VAMP8: variants seen among roughly 807,000 people sequenced by gnomAD.
The protein encoded by VAMP8 is vesicle associated membrane protein 8.
Under a neutral mutation model 11.4 loss-of-function variants are expected in VAMP8, and 9 were observed. The ratio of observed to expected loss-of-function variants is 0.79; its 90% CI spans 0.48 to 1.38. The LOEUF (loss-of-function observed/expected upper bound fraction) is 1.38. Ranked by LOEUF, VAMP8 falls within the 40% of genes most tolerant of loss-of-function variation. The pLI is 0.00. For missense variants in VAMP8, 108 were observed against 127.8 expected, an observed-to-expected ratio of 0.85 and a Z score of 0.75; for synonymous variants, 42 against 44.7, an observed-to-expected ratio of 0.94 and a Z score of 0.24.
Position 85,581,884 on chromosome 2 carries a change from G to C in VAMP8, c.*168G>C, listed in dbSNP as rs748414983. On this transcript the variant is annotated 3_prime_UTR_variant, in exon 3 of 3. Transcript: ENST00000263864. ...TGTTGTATGCCCCAGAAGGTACCTT[G>C]GTCCCCCGGAAGGAGAGAAAAAAGA... 1 of 902,202 alleles carries C rather than the reference G, an allele frequency of 1.1e-6. No homozygotes were observed. The highest frequency in any genetic ancestry group is 1.7e-6 in the Non-Finnish European group (1 of 596,016). 55.9% of individuals were successfully genotyped at this position (902,202 alleles called of 1,614,324 possible).
Position 85,581,432 on chromosome 2 carries a change from A to AT in VAMP8, c.163-143dup. The AT allele has an allele frequency of 5.9e-6, 6 of 1,020,636 alleles. 1 individual carries two copies. In the South Asian group the frequency reaches 1.0e-4, roughly 17 times the overall value. The allele number at this position is 1,020,636 out of a possible 1,614,324, so 63.2% of individuals were successfully genotyped here. On this transcript the variant is annotated intron_variant, in intron 2 of 2. Transcript: ENST00000263864. ...GAGGTGGAGGCAGCAGTGAGCCAAGATCGAGCCACTGCCTGAGTGACAGAG... is the reference window on the plus strand; with the variant it reads ...GAGGTGGAGGCAGCAGTGAGCCAAGATTCGAGCCACTGCCTGAGTGACAGAG...
At position 85,579,045 on chromosome 2, in the gene VAMP8, C is replaced by T. The variant is rs749565473; in HGVS notation, c.40C>T (p.Arg14Trp). The change falls in exon 2 of 3, where the codon CGG becomes TGG. Residue 14 changes from arginine to tryptophan, a missense_variant. Physicochemically the swap from Arg to Trp is moderately radical, Grantham distance 101. Coordinates refer to ENST00000263864, the MANE Select transcript of VAMP8 (RefSeq NM_003761.5). The part of the protein sequence containing the change: ...ASEGGGNDRV[R>W]NLQSEVEGVK... ...TGAAGGTGGAGGAAATGATCGTGTGCGGAACCTGCAAAGTGAGGTGGAGGG... is the reference window on the plus strand; with the variant it reads ...TGAAGGTGGAGGAAATGATCGTGTGTGGAACCTGCAAAGTGAGGTGGAGGG... 7.5e-6 allele frequency: 12 copies of T among 1,607,290 alleles called. No individual in the cohort carries two copies. Among genetic ancestry groups the T allele is most frequent in the Middle Eastern group, 3.3e-4 (2 of 6,078 alleles).
chr2:85,578,613 G>T (rs1030730439), intron 1 of VAMP8, among the ~76,000 whole-genome samples: 1 of 152,178 alleles, frequency 6.6e-6, no homozygotes, highest in Admixed American at 6.5e-5. Context: ...AATCAGGAAA[G>T]GGGGGTGGCT....
chr2:85,577,704 T>C, intron 1 of VAMP8, 55 bp downstream of exon 1: 1 of 1,519,580 alleles, frequency 6.6e-7, no homozygotes, highest in Non-Finnish European at 8.9e-7. Context: ...CAGAGGGGGC[T>C]TGGGACTGGG....
Position 85,581,952 on chromosome 2 carries a change from T to C in VAMP8, c.*236T>C. On this transcript the variant is annotated 3_prime_UTR_variant, in exon 3 of 3. Coordinates refer to ENST00000263864, the MANE Select transcript of VAMP8 (RefSeq NM_003761.5). ...CATTTCTTGGGTCCTTAGAGTGGGC[T>C]GGAGAGACCTAGAGGGCCCAGCATG... 1.8e-6 allele frequency: 1 copy of C among 554,480 alleles called. No individual in the cohort carries two copies. Among genetic ancestry groups the C allele is most frequent in the Non-Finnish European group, 3.1e-6 (1 of 317,614 alleles). The allele number at this position is 554,480 out of a possible 1,614,324, so 34.3% of individuals were successfully genotyped here. A position where few individuals can be genotyped will look rare whatever the true frequency, so the allele number is the denominator to read the frequency against.
intron 2 of VAMP8, among the ~76,000 whole-genome samples, chr2:85,581,147 C>G (rs1387841878): frequency 6.6e-6 from 1 of 151,874 alleles, no homozygotes; most frequent in Non-Finnish European, 1.5e-5. Context: ...TGCCACTGCA[C>G]TCCAGCCTGG....
chr2:85,579,020 T>C lies in VAMP8; in HGVS notation c.15T>C (p.Ser5=). Residue 5 remains serine (S), a synonymous_variant, in exon 2 of 3, where the codon AGT becomes AGC. Transcript: ENST00000263864. The stretch of plus-strand genomic sequence containing the variant: ...GTGTTGCCGCACAGGAGGAAGCCAG[T>C]GAAGGTGGAGGAAATGATCGTGTGC... MEEA[S]EGGGNDRVRN... 2 of 1,604,646 alleles carry C rather than the reference T, an allele frequency of 1.2e-6. No individual in the cohort carries two copies. The highest frequency in any genetic ancestry group is 1.7e-6 in the Non-Finnish European group (2 of 1,174,946).
At chr2:85,580,105 C>G (rs1031721942) in intron 2 of VAMP8, among the ~76,000 whole-genome samples, 1 of 152,084 alleles carries the variant, frequency 6.6e-6, no homozygotes, top group African/African-American at 2.4e-5. Context: ...TGTGCACCCC[C>G]ACACCTGGCT....
At chr2:85,579,218 T>C in intron 2 of VAMP8, 51 bp downstream of exon 2, 8 of 1,479,438 alleles carry the variant, frequency 5.4e-6, no homozygotes, top group Non-Finnish European at 6.3e-6. Flanking sequence ...AGGGAGGGAA[T>C]TTCTTTTTGG....
intron 2 of VAMP8, among the ~76,000 whole-genome samples, chr2:85,581,134 T>C (rs1172817632): frequency 6.6e-6 from 1 of 151,880 alleles, no homozygotes; most frequent in East Asian, 1.9e-4. Context: ...TGAGCTGAGA[T>C]TGTGCCACTG....
chr2:85,581,600 C>A lies in VAMP8; in HGVS notation c.187C>A (p.Gln63Lys). 6.2e-7 allele frequency: 1 copy of A among 1,614,182 alleles called. No individual in the cohort carries two copies. Among genetic ancestry groups the A allele is most frequent in the Non-Finnish European group, 8.5e-7 (1 of 1,180,044 alleles). ...GTCTGAGCACTTCAAGACGACATCG[C>A]AGAAGGTGGCTCGAAAATTCTGGTG... is the stretch of plus-strand genomic sequence containing the variant. ...ATSEHFKTTS[Q>K]KVARKFWWKN... The change falls in exon 3 of 3, where the codon CAG (glutamine) becomes AAG (lysine). Residue 63 changes from glutamine to lysine, a missense_variant. Coordinates refer to ENST00000263864, the MANE Select transcript of VAMP8 (RefSeq NM_003761.5).
chr2:85,579,824 G>A (rs758659218), intron 2 of VAMP8: 141 of 1,550,564 alleles, frequency 9.1e-5, no homozygotes, highest in Middle Eastern at 3.3e-4. Flanking sequence ...TGTGTTCAGC[G>A]GGGAGGCTGG....
chr2:85,578,022 C>G (rs1026118619), intron 1 of VAMP8, among the ~76,000 whole-genome samples: 5 of 152,192 alleles, frequency 3.3e-5, no homozygotes, highest in Non-Finnish European at 7.4e-5. Flanking sequence ...CAGATTCCAG[C>G]CCAGCGGCAG....
intron 2 of VAMP8, chr2:85,579,981 A>C (rs1456692267): frequency 7.0e-7 from 1 of 1,430,524 alleles, no homozygotes; most frequent in East Asian, 2.5e-5. Flanking sequence ...TTTTAGACAG[A>C]GCCTCACTCT....
intron 2 of VAMP8, 59 bp downstream of exon 2, chr2:85,579,226 T>C (rs1169539789): frequency 1.3e-6 from 2 of 1,483,178 alleles, no homozygotes; most frequent in Non-Finnish European, 1.8e-6. Context: ...AATTTCTTTT[T>C]GGTGGGGCAA....
chr2:85,581,172 C>T (rs1410557841), intron 2 of VAMP8, among the ~76,000 whole-genome samples: 1 of 151,408 alleles, frequency 6.6e-6, no homozygotes, highest in Non-Finnish European at 1.5e-5. Flanking sequence ...CACAGCCAGA[C>T]ACTGTCTCAA....
rs899470446 is a variant in VAMP8 at position 85,581,428 on chromosome 2, C to G, written c.163-148C>G. On this transcript the variant is annotated intron_variant, in intron 2 of 2. Transcript: ENST00000263864. ...CCAGGAGGTGGAGGCAGCAGTGAGC[C>G]AAGATCGAGCCACTGCCTGAGTGAC... 8 of 991,416 alleles carry G rather than the reference C, an allele frequency of 8.1e-6. No individual in the cohort carries two copies. In the East Asian group the frequency reaches 2.1e-4, roughly 26 times the overall value. The allele number at this position is 991,416 out of a possible 1,614,324, so 61.4% of individuals were successfully genotyped here. A position where few individuals can be genotyped will look rare whatever the true frequency, so the allele number is the denominator to read the frequency against.
rs780472707 is a variant in VAMP8, at chr2:85,581,742, C to T, written c.*26C>T. ...GTAACAGGGAACCTCTCCCACCTGC[C>T]CTTCTCTTCAGGGACAACCCTCCAT... On this transcript the variant is annotated 3_prime_UTR_variant, in exon 3 of 3. Coordinates refer to ENST00000263864, the MANE Select transcript of VAMP8 (RefSeq NM_003761.5). The T allele has an allele frequency of 3.7e-6, 6 of 1,613,606 alleles. No individual in the cohort carries two copies. Among genetic ancestry groups the T allele is most frequent in the Non-Finnish European group, 5.1e-6 (6 of 1,179,776 alleles).
At chr2:85,579,645 G>C in intron 2 of VAMP8, 1 of 1,476,986 alleles carries the variant, frequency 6.8e-7, no homozygotes, top group South Asian at 1.4e-5. Flanking sequence ...GGGGGAAAGA[G>C]CAGTGAAATG....
Sources: allele counts gnomAD v4.1 joint callset (sites outside exome capture counted in the v4.1 genomes callset), GRCh38; gene constraint gnomAD v4.1.1; transcripts MANE v1.5; gene names NCBI Gene and HGNC (gene_info 2026-07-23, HGNC 2026-07-21).